PRDM13: variants seen among roughly 807,000 people sequenced by gnomAD.
The protein encoded by PRDM13 is PR/SET domain 13.
A neutral mutation model predicts 36.4 loss-of-function variants in PRDM13; 15 were observed. That is an observed-to-expected ratio of 0.41 (90% CI 0.28 to 0.64). PRDM13 has a LOEUF of 0.64. Ranked by LOEUF, PRDM13 falls within the 30% of genes least tolerant of loss-of-function variation. The pLI is 0.29. For missense variants in PRDM13, 1,044 were observed against 1,013.5 expected, an observed-to-expected ratio of 1.03 and a Z score of -0.41; for synonymous variants, 531 against 467.7, an observed-to-expected ratio of 1.14 and a Z score of -1.75.
rs776956908 is a variant in PRDM13 at position 99,613,908 on chromosome 6, C to A, written c.1273C>A (p.Pro425Thr). The change falls in exon 4 of 4, where the codon CCT (proline) becomes ACT (threonine). Residue 425 changes from proline (P) to threonine (T), a missense_variant. By Grantham distance (38) the Pro-to-Thr change is conservative. This residue lies in a region of PRDM13 where 921 missense variants were observed against 865.2 expected (regional missense o/e 1.06). Coordinates refer to ENST00000369215, the MANE Select transcript of PRDM13 (RefSeq NM_021620.4). The surrounding 1 kb of genome is among the most constrained non-coding windows in gnomAD (Gnocchi z 6.1). ...AGGAGCGCGTTATGCGCAGCTGCCC[C>A]CTGCGCCGGGGTTGCCCCTCGAGCG... is the stretch of plus-strand genomic sequence containing the variant. Reference protein sequence around the residue: ...LPGARYAQLPPAPGLPLERCA... With the variant: ...LPGARYAQLPTAPGLPLERCA... The A allele has an allele frequency of 1.1e-5, 18 of 1,583,942 alleles. No individual in the cohort carries two copies. The highest frequency in any genetic ancestry group is 1.5e-5 in the Non-Finnish European group (17 of 1,170,638).
Position 99,609,171 on chromosome 6 carries a change from AT to A in PRDM13, c.277-14del. On this transcript the variant is annotated splice_polypyrimidine_tract_variant and intron_variant, in intron 2 of 3. Transcript: ENST00000369215. ...CCAGGAAATGACATTGAACTGTTCT[AT>A]TCCTTGCGTCCCAGATCTTCTACCG... 6.2e-7 allele frequency: 1 copy of A among 1,613,172 alleles called. No homozygotes were observed. The highest frequency in any genetic ancestry group is 1.3e-5 in the African/African-American group (1 of 74,980).
Position 99,614,093 on chromosome 6 carries a change from C to A in PRDM13, c.1458C>A (p.Phe486Leu). 1.3e-6 allele frequency: 2 copies of A among 1,599,464 alleles called. No individual in the cohort carries two copies. The highest frequency in any genetic ancestry group is 1.7e-6 in the Non-Finnish European group (2 of 1,173,738). ...TTAYYPLKLHFGGLLKYPESI... is the reference protein window; with the variant it reads ...TTAYYPLKLHLGGLLKYPESI... ...CTTATTACCCGCTCAAATTGCACTT[C>A]GGCGGGCTGCTGAAGTATCCGGAGT... The change falls in exon 4 of 4, where the codon TTC becomes TTA. Residue 486 changes from phenylalanine to leucine, a missense_variant. This residue lies in a region of PRDM13 where 921 missense variants were observed against 865.2 expected (regional missense o/e 1.06). Transcript: ENST00000369215.
chr6:99,608,504 G>A (rs1769984886), intron 1 of PRDM13, among the ~76,000 whole-genome samples: 1 of 152,114 alleles, frequency 6.6e-6, no homozygotes, highest in African/African-American at 2.4e-5. Context: ...CCCTCCCCGT[G>A]TCGTCAAGGT....
At chr6:99,611,833 CTTCT>C (rs1770036014) in intron 3 of PRDM13, among the ~76,000 whole-genome samples, 2 of 152,188 alleles carry the variant, frequency 1.3e-5, no homozygotes, top group Non-Finnish European at 2.9e-5. Flanking sequence ...GTTCAACTAA[CTTCT>C]TTCTCAGACA....
Position 99,613,697 on chromosome 6 carries a change from T to G in PRDM13, c.1062T>G (p.His354Gln). 1 of 1,430,444 alleles carries G rather than the reference T, an allele frequency of 7.0e-7. No individual in the cohort carries two copies. Among genetic ancestry groups the G allele is most frequent in the Non-Finnish European group, 9.1e-7 (1 of 1,096,558 alleles). 88.6% of individuals were successfully genotyped at this position (1,430,444 alleles called of 1,614,324 possible). A position where few individuals can be genotyped will look rare whatever the true frequency, so the allele number is the denominator to read the frequency against. Residue 354 changes from histidine to glutamine, a missense_variant, in exon 4 of 4, where the codon CAT becomes CAG. By Grantham distance (24) the His-to-Gln change is conservative (BLOSUM62 0). Coordinates refer to ENST00000369215, the MANE Select transcript of PRDM13 (RefSeq NM_021620.4). This position sits in a 1 kb window ranked among gnomAD's most constrained non-coding sequence, Gnocchi z 6.1. ...NSAAGGAGHHHHHHAHHHHHP... is the reference protein window; with the variant it reads ...NSAAGGAGHHQHHHAHHHHHP... ...CGGCGGGCGGCGCGGGTCACCACCA[T>G]CACCACCACGCGCACCACCACCACC...
Position 99,613,126 on chromosome 6 carries a change from G to T in PRDM13, c.491G>T (p.Gly164Val). 1 of 1,613,360 alleles carries T rather than the reference G, an allele frequency of 6.2e-7. No individual in the cohort carries two copies. The change falls in exon 4 of 4, where the codon GGC (glycine) becomes GTC (valine). Residue 164 changes from glycine to valine, a missense_variant. Around this residue, in one of 3 missense-constraint regions of PRDM13, gnomAD observed 921 missense variants for 865.2 expected, o/e 1.06. Transcript: ENST00000369215. This position sits in a 1 kb window ranked among gnomAD's most constrained non-coding sequence, Gnocchi z 6.1. Reference protein sequence around the residue: ...AHLRFHCVFSGGGGGAFLHHE... With the variant: ...AHLRFHCVFSVGGGGAFLHHE... ...CTGCGTTTCCACTGCGTGTTCAGCG[G>T]CGGTGGAGGCGGCGCCTTCCTGCAC...
chr6:99,611,422 C>A (rs1442238284), intron 3 of PRDM13, among the ~76,000 whole-genome samples: 2 of 152,040 alleles, frequency 1.3e-5, no homozygotes, highest in Non-Finnish European at 2.9e-5. Context: ...CCCAGGAGGT[C>A]TATTCTCTCT....
intron 3 of PRDM13, 90 bp from the exon 4 acceptor site, chr6:99,612,943 C>T (rs1770052836): frequency 6.4e-7 from 1 of 1,553,126 alleles, no homozygotes; most frequent in African/African-American, 1.4e-5. Context: ...CTAGTCGAAA[C>T]TTGGGCTTTG....
In PRDM13 at chr6:99,614,835, G is replaced by T. The variant is rs1770108166; in HGVS notation, c.*76G>T. The T allele has an allele frequency of 1.3e-6, 2 of 1,500,658 alleles. No homozygotes were observed. Among genetic ancestry groups the T allele is most frequent in the Non-Finnish European group, 8.9e-7 (1 of 1,125,074 alleles). 93.0% of individuals were successfully genotyped at this position (1,500,658 alleles called of 1,614,324 possible). ...TATTCTCGCAGTAGAGGAACTCCTGGTGGTGGGAAGAGGGACCCAATGGAC... is the reference window on the plus strand; with the variant it reads ...TATTCTCGCAGTAGAGGAACTCCTGTTGGTGGGAAGAGGGACCCAATGGAC... On this transcript the variant is annotated 3_prime_UTR_variant, in exon 4 of 4. Transcript: ENST00000369215.
In PRDM13 at chr6:99,613,641, T is replaced by G. The variant is rs760913491; in HGVS notation, c.1006T>G (p.Cys336Gly). 7.0e-7 allele frequency: 1 copy of G among 1,435,672 alleles called. No individual in the cohort carries two copies. The highest frequency in any genetic ancestry group is 1.5e-5 in the South Asian group (1 of 68,776). 88.9% of individuals were successfully genotyped at this position (1,435,672 alleles called of 1,614,324 possible). A position where few individuals can be genotyped will look rare whatever the true frequency, so the allele number is the denominator to read the frequency against. ...CAGGCTGCTGGGCGGGGGCCGGGCG[T>G]GCGGGCGCCCCGGGAGCGGGGAGAA... is the stretch of plus-strand genomic sequence containing the variant. Reference protein sequence around the residue: ...LGRLLGGGRACGRPGSGENSA... With the variant: ...LGRLLGGGRAGGRPGSGENSA... Residue 336 changes from cysteine (C) to glycine (G), a missense_variant, in exon 4 of 4, where the codon TGC becomes GGC. Cys to Gly is a radical substitution (Grantham distance 159). Coordinates refer to ENST00000369215, the MANE Select transcript of PRDM13 (RefSeq NM_021620.4). The surrounding 1 kb of genome is among the most constrained non-coding windows in gnomAD (Gnocchi z 6.1).
rs1025147235 is a variant in PRDM13, at chr6:99,606,854, G to A, written c.-181G>A. 3 of 777,806 alleles carry A rather than the reference G, an allele frequency of 3.9e-6. No individual in the cohort carries two copies. Among genetic ancestry groups the A allele is most frequent in the Non-Finnish European group, 5.8e-6 (3 of 518,274 alleles). 48.2% of individuals were successfully genotyped at this position (777,806 alleles called of 1,614,324 possible). A position where few individuals can be genotyped will look rare whatever the true frequency, so the allele number is the denominator to read the frequency against. Reference sequence around the variant, plus strand: ...CCAAACTCCGCGCCCTTGCGCTAGCGGTGCCAAAAGGCTCCCGCCCCGATT... The same window carrying A: ...CCAAACTCCGCGCCCTTGCGCTAGCAGTGCCAAAAGGCTCCCGCCCCGATT... On this transcript the variant is annotated 5_prime_UTR_variant, in exon 1 of 4. Transcript: ENST00000369215.
intron 1 of PRDM13, among the ~76,000 whole-genome samples, chr6:99,607,734 T>C (rs972605508): frequency 6.6e-5 from 10 of 152,058 alleles, no homozygotes; most frequent in Non-Finnish European, 1.0e-4. Context: ...ATGCGGCATA[T>C]GGAGAGAGGA....
intron 2 of PRDM13, 141 bp downstream of exon 2, chr6:99,609,013 G>C: frequency 7.1e-7 from 1 of 1,399,822 alleles, no homozygotes; most frequent in East Asian, 2.5e-5. Flanking sequence ...ACCCTTTAAG[G>C]TAGTTACTAT....
At chr6:99,608,916 A>G in intron 2 of PRDM13, 44 bp downstream of exon 2, 1 of 1,589,180 alleles carries the variant, frequency 6.3e-7, no homozygotes, top group Admixed American at 1.8e-5. Context: ...CCCACCGCCA[A>G]TTCAGTCTAC....
Position 99,614,375 on chromosome 6 carries a change from G to A in PRDM13, c.1740G>A (p.Lys580=). The A allele has an allele frequency of 6.2e-7, 1 of 1,613,284 alleles. No individual in the cohort carries two copies. The change falls in exon 4 of 4, where the codon AAG becomes AAA. Residue 580 remains lysine, a synonymous_variant. Coordinates refer to ENST00000369215, the MANE Select transcript of PRDM13 (RefSeq NM_021620.4). ...KTGHLCLYCG[K]LYSRKYGLKI... ...GCCACCTGTGCCTCTACTGTGGCAA[G>A]CTGTACTCGCGCAAGTATGGGCTCA...
At position 99,614,412 on chromosome 6, in the gene PRDM13, C is replaced by A. The variant is rs753096200; in HGVS notation, c.1777C>A (p.Arg593=). ...CAAGTATGGGCTCAAGATCCACATG[C>A]GGACGCACACGGGCTACAAGCCACT... is the stretch of plus-strand genomic sequence containing the variant. ...SRKYGLKIHM[R]THTGYKPLKC... Residue 593 remains arginine, a synonymous_variant, in exon 4 of 4, where the codon CGG becomes AGG. Transcript: ENST00000369215. The A allele has an allele frequency of 6.2e-7, 1 of 1,613,434 alleles. No homozygotes were observed. Among genetic ancestry groups the A allele is most frequent in the African/African-American group, 1.3e-5 (1 of 75,060 alleles).
rs760378100 is a variant in PRDM13, at chr6:99,613,972, C to A, written c.1337C>A (p.Ala446Asp). 6.2e-7 allele frequency: 1 copy of A among 1,603,732 alleles called. No individual in the cohort carries two copies. The highest frequency in any genetic ancestry group is 1.1e-5 in the South Asian group (1 of 90,138). ...LPPLDPGGLK[A>D]YPGGECSHLP... ...CCCCTCGACCCGGGCGGTCTCAAAG[C>A]CTATCCGGGTGGTGAGTGCAGCCAC... Residue 446 changes from alanine to aspartate, a missense_variant, in exon 4 of 4, where the codon GCC becomes GAC. Coordinates refer to ENST00000369215, the MANE Select transcript of PRDM13 (RefSeq NM_021620.4). The surrounding 1 kb of genome is among the most constrained non-coding windows in gnomAD (Gnocchi z 6.1).
chr6:99,613,629 G>T lies in PRDM13; in HGVS notation c.994G>T (p.Gly332Trp), dbSNP rs772185121. ...CCTCGCTTTGGGCAGGCTGCTGGGCGGGGGCCGGGCGTGCGGGCGCCCCGG... is the reference window on the plus strand; with the variant it reads ...CCTCGCTTTGGGCAGGCTGCTGGGCTGGGGCCGGGCGTGCGGGCGCCCCGG... ...AGLALGRLLG[G>W]GRACGRPGSG... The change falls in exon 4 of 4, where the codon GGG (glycine) becomes TGG (tryptophan). Residue 332 changes from glycine (G) to tryptophan (W), a missense_variant. Gly to Trp is a radical substitution (Grantham distance 184). Coordinates refer to ENST00000369215, the MANE Select transcript of PRDM13 (RefSeq NM_021620.4). This position sits in a 1 kb window ranked among gnomAD's most constrained non-coding sequence, Gnocchi z 6.1. 2 of 1,453,886 alleles carry T rather than the reference G, an allele frequency of 1.4e-6. No homozygotes were observed. The highest frequency in any genetic ancestry group is 1.8e-6 in the Non-Finnish European group (2 of 1,116,090). The allele number at this position is 1,453,886 out of a possible 1,614,324, so 90.1% of individuals were successfully genotyped here.
Position 99,613,487 on chromosome 6 carries a change from C to T in PRDM13, c.852C>T (p.Ser284=). 6.5e-7 allele frequency: 1 copy of T among 1,529,306 alleles called. No homozygotes were observed. Among genetic ancestry groups the T allele is most frequent in the African/African-American group, 1.4e-5 (1 of 71,240 alleles). 94.7% of individuals were successfully genotyped at this position (1,529,306 alleles called of 1,614,324 possible). Residue 284 remains serine (S), a synonymous_variant, in exon 4 of 4, where the codon AGC becomes AGT. Coordinates refer to ENST00000369215, the MANE Select transcript of PRDM13 (RefSeq NM_021620.4). This position sits in a 1 kb window ranked among gnomAD's most constrained non-coding sequence, Gnocchi z 6.1. ...GCGGCTCCTCGGCGGGGGTCGGCAG[C>T]CTGGCTTTCTACCCCGGCGTGCGCT... ...IVGGSSAGVG[S]LAFYPGVRSA...
Sources: gnomAD v4.1 joint callset for allele counts (sites outside exome capture counted in the v4.1 genomes callset) on GRCh38, gnomAD v4.1.1 for gene constraint, gnomAD v4.1.1 regional missense constraint, Gnocchi (gnomAD v3.1) non-coding constraint, MANE v1.5 for transcripts, NCBI Gene and HGNC (gene_info 2026-07-23, HGNC 2026-07-21) for gene names.